Variants in POLR2M observed in about 807,000 individuals in gnomAD.
POLR2M encodes RNA polymerase II subunit M.
POLR2M carries 30 observed loss-of-function variants against 34.6 expected under a neutral mutation model. The ratio of observed to expected loss-of-function variants is 0.87; its 90% CI spans 0.65 to 1.18. The LOEUF (loss-of-function observed/expected upper bound fraction) is 1.18, where lower values mean the gene tolerates loss of function less well. POLR2M is among the 50% of genes most tolerant of loss of function. The pLI is 0.00. For missense variants in POLR2M, 432 were observed against 448.7 expected (o/e 0.96, Z 0.34); for synonymous variants, 150 against 166.7 (o/e 0.90, Z 0.77).
At chr15:57,707,671 C>G (rs1000469353) in intron 1 of POLR2M, 1 of 375,032 alleles carries the variant, frequency 2.7e-6, no homozygotes, top group Non-Finnish European at 5.3e-6. Context: ...TGGAAGACCA[C>G]TAGCAAAAAT....
rs371091840 is a variant in POLR2M, at chr15:57,714,250, G to A, written c.964-286G>A. On this transcript the variant is annotated intron_variant, in intron 3 of 3. Coordinates refer to ENST00000299638, the MANE Select transcript of POLR2M (RefSeq NM_015532.5). ...TAACGCATCTGTATTTATAAGTATT[G>A]TAGTGCTAAGCTCATTACTCAGTTT... 8.5e-5 allele frequency among the ~76,000 whole-genome samples: 13 copies of A among 152,244 alleles called. No homozygotes were observed. The South Asian group carries it at 1.9e-3, about 22-fold the overall frequency.
chr15:57,707,410 C>T, intron 1 of POLR2M: 1 of 660,946 alleles, frequency 1.5e-6, no homozygotes, highest in Admixed American at 2.1e-5. Flanking sequence ...ATTCAGCTGG[C>T]TGGTTGAACG....
At chr15:57,712,500 C>T (rs551996794) in intron 3 of POLR2M, among the ~76,000 whole-genome samples, 1 of 152,152 alleles carries the variant, frequency 6.6e-6, no homozygotes, top group African/African-American at 2.4e-5. Context: ...TCGCATCTCT[C>T]CCTTTCACCT....
At position 57,710,074 on chromosome 15, in the gene POLR2M, A is replaced by G. The variant is rs145901172; in HGVS notation, c.758+716A>G. Among the ~76,000 whole-genome samples, 461 of 152,340 alleles carry G rather than the reference A, an allele frequency of 3.0e-3. 5 individuals carry two copies. Among genetic ancestry groups the G allele is most frequent in the African/African-American group, 0.01 (421 of 41,572 alleles). On this transcript the variant is annotated intron_variant, in intron 2 of 3. Coordinates refer to ENST00000299638, the MANE Select transcript of POLR2M (RefSeq NM_015532.5). ...TACATGTGTAATGTAATACAATACC[A>G]TGTTCTTCAAGGAGTTTAAGAGCTA... is the stretch of plus-strand genomic sequence containing the variant.
In POLR2M at chr15:57,717,106, C is replaced by G. The variant is rs1260134130; in HGVS notation, c.*2427C>G. On this transcript the variant is annotated 3_prime_UTR_variant, in exon 4 of 4. Coordinates refer to ENST00000299638, the MANE Select transcript of POLR2M (RefSeq NM_015532.5). ...CAATTGGTTCAGTATGTGAAACCAC[C>G]ATTTCCCCTCTGATTAGTAATGCTA... 1.3e-5 allele frequency: 2 copies of G among 152,086 alleles called. No homozygotes were observed. The highest frequency in any genetic ancestry group is 2.9e-5 in the Non-Finnish European group (2 of 67,998). 9.4% of individuals were successfully genotyped at this position (152,086 alleles called of 1,614,324 possible). A position where few individuals can be genotyped will look rare whatever the true frequency, so the allele number is the denominator to read the frequency against.
Position 57,714,880 on chromosome 15 carries a change from T to C in POLR2M, c.*201T>C. 2 of 811,710 alleles carry C rather than the reference T, an allele frequency of 2.5e-6. No individual in the cohort carries two copies. Among genetic ancestry groups the C allele is most frequent in the South Asian group, 2.0e-5 (1 of 48,812 alleles). 50.3% of individuals were successfully genotyped at this position (811,710 alleles called of 1,614,324 possible). A position where few individuals can be genotyped will look rare whatever the true frequency, so the allele number is the denominator to read the frequency against. The stretch of plus-strand genomic sequence containing the variant: ...AAGTTTAATATTTGAATATTGTGTT[T>C]AACCACATGGTATTAAAATTTTGCA... On this transcript the variant is annotated 3_prime_UTR_variant, in exon 4 of 4. Transcript: ENST00000299638.
rs2040608782 is a variant in POLR2M, at chr15:57,709,116, C to T, written c.516C>T (p.His172=). 11 of 1,614,044 alleles carry T rather than the reference C, an allele frequency of 6.8e-6. No individual in the cohort carries two copies. Among genetic ancestry groups the T allele is most frequent in the Non-Finnish European group, 7.6e-6 (9 of 1,180,052 alleles). ...VPPSSEASEH[H]PRHRVSSQAE... The stretch of plus-strand genomic sequence containing the variant: ...CTTCATCTGAAGCTAGTGAGCATCA[C>T]CCGCGGCATCGTGTTTCAAGTCAAG... The change falls in exon 2 of 4, where the codon CAC becomes CAT. Residue 172 remains histidine (H), a synonymous_variant. Transcript: ENST00000299638.
intron 1 of POLR2M, 121 bp from the exon 2 acceptor site, chr15:57,708,593 T>C (rs754104861): frequency 2.3e-4 from 209 of 902,860 alleles, no homozygotes; most frequent in Admixed American, 1.0e-3. Context: ...CAGTTAGAAA[T>C]CAGATATTTG....
Position 57,712,123 on chromosome 15 carries a change from C to G in POLR2M, c.898C>G (p.Pro300Ala). 3.1e-6 allele frequency: 5 copies of G among 1,614,160 alleles called. No individual in the cohort carries two copies. The highest frequency in any genetic ancestry group is 4.2e-6 in the Non-Finnish European group (5 of 1,180,036). The change falls in exon 3 of 4, where the codon CCC becomes GCC. Residue 300 changes from proline (P) to alanine (A), a missense_variant. By Grantham distance (27) the Pro-to-Ala change is conservative (BLOSUM62 -1). Transcript: ENST00000299638. Reference sequence around the variant, plus strand: ...TCGGCTTCTACCACTTCACCATATGCCCACGCAGCTGCTCTCCATAGAAGA... The same window carrying G: ...TCGGCTTCTACCACTTCACCATATGGCCACGCAGCTGCTCTCCATAGAAGA... ...AARLLPLHHM[P>A]TQLLSIEESL... is the part of the protein sequence containing the mutation.
At position 57,715,988 on chromosome 15, in the gene POLR2M, T is replaced by A. The variant is rs1282524000; in HGVS notation, c.*1309T>A. 1 of 152,310 alleles carries A rather than the reference T, an allele frequency of 6.6e-6. No individual in the cohort carries two copies. Among genetic ancestry groups the A allele is most frequent in the African/African-American group, 2.4e-5 (1 of 41,488 alleles). 9.4% of individuals were successfully genotyped at this position (152,310 alleles called of 1,614,324 possible). On this transcript the variant is annotated 3_prime_UTR_variant, in exon 4 of 4. Coordinates refer to ENST00000299638, the MANE Select transcript of POLR2M (RefSeq NM_015532.5). ...TAGTTTTAGTTCTTAAAACGAATAG[T>A]AAATGATTTCACAGCGTAAAATTTG... is the stretch of plus-strand genomic sequence containing the variant.
Position 57,715,619 on chromosome 15 carries a change from T to C in POLR2M, c.*940T>C, listed in dbSNP as rs1162493656. On this transcript the variant is annotated 3_prime_UTR_variant, in exon 4 of 4. Coordinates refer to ENST00000299638, the MANE Select transcript of POLR2M (RefSeq NM_015532.5). ...TGTTAAAATTGAATTGTCAGTACTT[T>C]ACTTTTTTCCCCCCAAATAGGTATA... 2.0e-5 allele frequency: 3 copies of C among 151,696 alleles called. No individual in the cohort carries two copies. Among genetic ancestry groups the C allele is most frequent in the African/African-American group, 7.2e-5 (3 of 41,420 alleles). The allele number at this position is 151,696 out of a possible 1,614,324, so 9.4% of individuals were successfully genotyped here. A position where few individuals can be genotyped will look rare whatever the true frequency, so the allele number is the denominator to read the frequency against.
rs2040588254 is a variant in POLR2M at position 57,708,710 on chromosome 15, A to G, written c.114-4A>G. ...ATGTAATAGTATTCTTTTCCATTTG[A>G]CAGAAAATTCATTTGCAAATTGCCC... On this transcript the variant is annotated splice_polypyrimidine_tract_variant and splice_region_variant and intron_variant, in intron 1 of 3. Coordinates refer to ENST00000299638, the MANE Select transcript of POLR2M (RefSeq NM_015532.5). 1 of 1,570,870 alleles carries G rather than the reference A, an allele frequency of 6.4e-7. No homozygotes were observed. Among genetic ancestry groups the G allele is most frequent in the Non-Finnish European group, 8.6e-7 (1 of 1,162,624 alleles).
rs1400569598 is a variant in POLR2M at position 57,706,887 on chromosome 15, C to T, written c.45C>T (p.Asp15=). The T allele has an allele frequency of 1.3e-6, 2 of 1,598,606 alleles. 1 individual carries two copies. Among genetic ancestry groups the T allele is most frequent in the South Asian group, 2.3e-5 (2 of 88,196 alleles). ...PRGFEPQAPE[D]LAQRSLVELR... Reference sequence around the variant, plus strand: ...GCTTCGAGCCCCAAGCTCCCGAGGACTTGGCGCAGCGGAGTTTGGTGGAGC... The same window carrying T: ...GCTTCGAGCCCCAAGCTCCCGAGGATTTGGCGCAGCGGAGTTTGGTGGAGC... Residue 15 remains aspartate, a synonymous_variant, in exon 1 of 4, where the codon GAC becomes GAT. Transcript: ENST00000299638.
chr15:57,716,169 A>G lies in POLR2M; in HGVS notation c.*1490A>G, dbSNP rs1223389933. 31 of 152,328 alleles carry G rather than the reference A, an allele frequency of 2.0e-4. No individual in the cohort carries two copies. Among genetic ancestry groups the G allele is most frequent in the Admixed American group, 1.2e-3 (18 of 15,308 alleles). 9.4% of individuals were successfully genotyped at this position (152,328 alleles called of 1,614,324 possible). A position where few individuals can be genotyped will look rare whatever the true frequency, so the allele number is the denominator to read the frequency against. Reference sequence around the variant, plus strand: ...GCATAGTTATGCATTTATATTCTCAAAAATGAAATCATAATGTACATTGCT... The same window carrying G: ...GCATAGTTATGCATTTATATTCTCAGAAATGAAATCATAATGTACATTGCT... On this transcript the variant is annotated 3_prime_UTR_variant, in exon 4 of 4. Coordinates refer to ENST00000299638, the MANE Select transcript of POLR2M (RefSeq NM_015532.5).
At position 57,706,771 on chromosome 15, in the gene POLR2M, A is replaced by T; in HGVS notation, c.-72A>T. 6.6e-7 allele frequency: 1 copy of T among 1,507,718 alleles called. No individual in the cohort carries two copies. Among genetic ancestry groups the T allele is most frequent in the Non-Finnish European group, 9.0e-7 (1 of 1,117,000 alleles). 93.4% of individuals were successfully genotyped at this position (1,507,718 alleles called of 1,614,324 possible). ...GCCCCGGAGTCACCGCCGTCCGCGGATCCGGCGCTAGTAGCGGGGCCTGCC... is the reference window on the plus strand; with the variant it reads ...GCCCCGGAGTCACCGCCGTCCGCGGTTCCGGCGCTAGTAGCGGGGCCTGCC... On this transcript the variant is annotated 5_prime_UTR_variant, in exon 1 of 4. Transcript: ENST00000299638.
Position 57,709,016 on chromosome 15 carries a change from G to A in POLR2M, c.416G>A (p.Gly139Asp). 6.2e-7 allele frequency: 1 copy of A among 1,613,980 alleles called. No individual in the cohort carries two copies. The highest frequency in any genetic ancestry group is 8.5e-7 in the Non-Finnish European group (1 of 1,179,902). ...GGACTTGGACGTCCTACTCTTGAAG[G>A]TGATGAAGAGACTTCAGAGGTTGAG... is the stretch of plus-strand genomic sequence containing the variant. ...NQGLGRPTLEGDEETSEVEYT... is the reference protein window; with the variant it reads ...NQGLGRPTLEDDEETSEVEYT... The change falls in exon 2 of 4, where the codon GGT becomes GAT. Residue 139 changes from glycine (G) to aspartate (D), a missense_variant. Transcript: ENST00000299638.
chr15:57,712,896 C>A (rs562180323), intron 3 of POLR2M, among the ~76,000 whole-genome samples: 1 of 152,120 alleles, frequency 6.6e-6, no homozygotes, highest in Non-Finnish European at 1.5e-5. Flanking sequence ...ATTTTAGCCT[C>A]CAGGAGAACA....
chr15:57,711,870 T>A, intron 2 of POLR2M, 114 bp from the exon 3 acceptor site: 1 of 1,243,136 alleles, frequency 8.0e-7, no homozygotes, highest in East Asian at 2.5e-5. Flanking sequence ...AATTACTTAC[T>A]GTTACCTTTG....
chr15:57,716,242 T>G lies in POLR2M; in HGVS notation c.*1563T>G, dbSNP rs1700258766. 6.6e-6 allele frequency: 1 copy of G among 152,278 alleles called. No homozygotes were observed. Among genetic ancestry groups the G allele is most frequent in the Non-Finnish European group, 1.5e-5 (1 of 68,050 alleles). The allele number at this position is 152,278 out of a possible 1,614,324, so 9.4% of individuals were successfully genotyped here. ...TCAATATGTTCCCATATTAAATATT[T>G]TGCTTTTTAGACAGCTGTAGGATAT... On this transcript the variant is annotated 3_prime_UTR_variant, in exon 4 of 4. Coordinates refer to ENST00000299638, the MANE Select transcript of POLR2M (RefSeq NM_015532.5).
Sources: gnomAD v4.1 joint callset for allele counts (sites outside exome capture counted in the v4.1 genomes callset) on GRCh38, gnomAD v4.1.1 for gene constraint, MANE v1.5 for transcripts, NCBI Gene and HGNC (gene_info 2026-07-23, HGNC 2026-07-21) for gene names.